IL4I1: variants seen among roughly 807,000 people sequenced by gnomAD.
IL4I1 encodes L-amino-acid oxidase.
IL4I1 carries 24 observed loss-of-function variants against 29.7 expected under a neutral mutation model. That is an observed-to-expected ratio of 0.81 (90% confidence interval 0.59 to 1.14). The LOEUF is 1.14. Ranked by LOEUF, IL4I1 falls within the 50% of genes most tolerant of loss-of-function variation. The probability of loss-of-function intolerance (pLI) is 0.00; values close to 1 mark genes in which losing one functional copy is unlikely to be tolerated. For missense variants in IL4I1, 686 were observed against 785.6 expected, an observed-to-expected ratio of 0.87 and a Z score of 1.52; for synonymous variants, 371 against 352.5, an observed-to-expected ratio of 1.05 and a Z score of -0.59.
intron 1 of IL4I1, 38 bp from the exon 2 acceptor site, chr19:49,896,220 GC>G: frequency 6.8e-7 from 1 of 1,477,574 alleles, no homozygotes; most frequent in African/African-American, 1.4e-5. Flanking sequence ...TGTGACTGAG[GC>G]CTGTGACCAC....
chr19:49,909,097 G>C (rs1264925278), intron 2 of IL4I1: 10 of 1,612,438 alleles, frequency 6.2e-6, no homozygotes, highest in Non-Finnish European at 8.5e-6. Context: ...TACAGAGGGA[G>C]AGTCCAGTGG....
At chr19:49,923,075 C>T (rs1354167065) in intron 2 of IL4I1, among the ~76,000 whole-genome samples, 5 of 151,216 alleles carry the variant, frequency 3.3e-5, no homozygotes, top group Non-Finnish European at 5.9e-5. Context: ...TGCTGTGTCC[C>T]TTTTTTTTTG....
At chr19:49,890,929 GCC>G in intron 7 of IL4I1, 40 bp downstream of exon 7, 5 of 454,446 alleles carry the variant, frequency 1.1e-5, no homozygotes, top group Non-Finnish European at 1.8e-5. Flanking sequence ...TTCCCTGATT[GCC>G]CCCCGCCCCC....
chr19:49,927,860 G>C (rs1199334348), intron 1 of IL4I1: 1 of 152,302 alleles, frequency 6.6e-6, no homozygotes, highest in Non-Finnish European at 1.5e-5. Flanking sequence ...TGGTGGAGGA[G>C]GGCCCAGTGC....
At position 49,903,879 on chromosome 19, in the gene IL4I1, AC is replaced by A. The variant is rs1479358945; in HGVS notation, c.-105+319del. Among the ~76,000 whole-genome samples the A allele has an allele frequency of 1.4e-4, 8 of 57,954 alleles. No individual in the cohort carries two copies. The East Asian group carries it at 4.4e-3, about 32-fold the overall frequency. 38.0% of individuals were successfully genotyped at this position (57,954 alleles called of 152,430 possible). A position where few individuals can be genotyped will look rare whatever the true frequency, so the allele number is the denominator to read the frequency against. Reference sequence around the variant, plus strand: ...TTTGAGACAGGGTCTCACTTTTGTTACCCAGGCTGGAGTGCAGTGGTACGAT... The same window carrying A: ...TTTGAGACAGGGTCTCACTTTTGTTACCAGGCTGGAGTGCAGTGGTACGAT... On this transcript the variant is annotated intron_variant, in intron 3 of 9. Coordinates refer to the IL4I1 transcript ENST00000341114.
At chr19:49,894,188 GAGA>G (rs2075174664) in intron 5 of IL4I1, 77 bp downstream of exon 5, 1 of 1,388,066 alleles carries the variant, frequency 7.2e-7, no homozygotes, top group Non-Finnish European at 1.0e-6. Flanking sequence ...GGATGCCAGA[GAGA>G]AGAAAAGCCG....
chr19:49,909,429 T>C lies in IL4I1; in HGVS notation c.-227-5108A>G, dbSNP rs756171210. The C allele has an allele frequency of 3.1e-6, 5 of 1,613,812 alleles. No homozygotes were observed. The African/African-American group carries it at 6.7e-5, about 22-fold the overall frequency. On this transcript the variant is annotated intron_variant, in intron 2 of 9. Transcript: ENST00000341114. ...GTGCCCTGGCTGGAGGTGACGGTGC[T>C]CGATATGGCATTAGTGAGGTTGCTG... is the stretch of plus-strand genomic sequence containing the variant.
chr19:49,924,337 C>T (rs1196932693), intron 2 of IL4I1, among the ~76,000 whole-genome samples: 1 of 152,182 alleles, frequency 6.6e-6, no homozygotes, highest in East Asian at 1.9e-4. Flanking sequence ...GGTGGCTGAT[C>T]TCCCTCCCTC....
At chr19:49,918,224 C>A (rs914171586) in intron 2 of IL4I1, among the ~76,000 whole-genome samples, 5 of 152,080 alleles carry the variant, frequency 3.3e-5, no homozygotes, top group African/African-American at 1.2e-4. Context: ...CGCCGCCATG[C>A]CCAGCTAATA....
intron 2 of IL4I1, among the ~76,000 whole-genome samples, chr19:49,918,038 CA>C (rs869301719): frequency 1.3e-5 from 2 of 148,354 alleles, no homozygotes; most frequent in Non-Finnish European, 3.0e-5. Flanking sequence ...AACAAACAAA[CA>C]AAAACCCAAA....
intron 2 of IL4I1, among the ~76,000 whole-genome samples, chr19:49,913,721 G>C (rs2075543999): frequency 6.6e-6 from 1 of 152,198 alleles, no homozygotes; most frequent in African/African-American, 2.4e-5. Flanking sequence ...CCGTGACTGT[G>C]AGTAGAAAGC....
rs1424575225 is a variant in IL4I1 at position 49,909,684 on chromosome 19, A to G, written c.-227-5363T>C. 7 of 1,612,800 alleles carry G rather than the reference A, an allele frequency of 4.3e-6. No homozygotes were observed. The highest frequency in any genetic ancestry group is 2.2e-5 in the East Asian group (1 of 44,862). ...GGTTGGAAGGGAGCCCCAAAATTAAACCCTCCAGTGCCAGAGGTGGAGAAA... is the reference window on the plus strand; with the variant it reads ...GGTTGGAAGGGAGCCCCAAAATTAAGCCCTCCAGTGCCAGAGGTGGAGAAA... On this transcript the variant is annotated intron_variant, in intron 2 of 9. Coordinates refer to the IL4I1 transcript ENST00000341114.
chr19:49,890,556 A>G lies in IL4I1; in HGVS notation c.818T>C (p.Leu273Pro), dbSNP rs2075120139. 7 of 1,595,924 alleles carry G rather than the reference A, an allele frequency of 4.4e-6. No homozygotes were observed. In the East Asian group the frequency reaches 1.6e-4, roughly 36 times the overall value. The change falls in exon 8 of 8, where the codon CTG (leucine) becomes CCG (proline). Residue 273 changes from leucine (L) to proline (P), a missense_variant. By Grantham distance (98) the Leu-to-Pro change is moderately conservative. Transcript: ENST00000391826. ...VGGWDLLPRA[L>P]LSSLSGLVLL... is the part of the protein sequence containing the mutation. ...CACAAGCCCGGACAGCGAGCTCAGC[A>G]GCGCGCGCGGCAGCAGGTCCCAGCC...
intron 2 of IL4I1, among the ~76,000 whole-genome samples, chr19:49,923,763 T>C (rs901499366): frequency 7.2e-5 from 11 of 152,214 alleles, no homozygotes; most frequent in East Asian, 3.9e-4. Flanking sequence ...AACTGAGTCA[T>C]AGAAAGAGGA....
At chr19:49,924,123 G>A (rs902476235) in intron 2 of IL4I1, among the ~76,000 whole-genome samples, 4 of 152,172 alleles carry the variant, frequency 2.6e-5, no homozygotes, top group African/African-American at 9.7e-5. Context: ...TCAGGGCTTG[G>A]AGACCTCCCA....
At chr19:49,927,253 G>A (rs1034171922) in intron 2 of IL4I1, among the ~76,000 whole-genome samples, 5 of 152,126 alleles carry the variant, frequency 3.3e-5, no homozygotes, top group Admixed American at 6.6e-5. Context: ...TAGTAAGAGG[G>A]GTGCAGTCAA....
rs2075179150 is a variant in IL4I1 at position 49,894,447 on chromosome 19, C to G, written c.388G>C (p.Gly130Arg). ...AACTTGGTCAGGTTGAGCCCCAGGC[C>G]CTGGCAGAGCTTGTGGAGGATCCTG... Reference protein sequence around the residue: ...SHRILHKLCQGLGLNLTKFTQ... With the variant: ...SHRILHKLCQRLGLNLTKFTQ... The change falls in exon 5 of 8, where the codon GGC becomes CGC. Residue 130 changes from glycine to arginine, a missense_variant. Coordinates refer to ENST00000391826, the MANE Select transcript of IL4I1 (RefSeq NM_152899.2). The G allele has an allele frequency of 6.2e-7, 1 of 1,614,116 alleles. No homozygotes were observed. The highest frequency in any genetic ancestry group is 2.2e-5 in the East Asian group (1 of 44,878).
chr19:49,891,050 C>G lies in IL4I1; in HGVS notation c.694G>C (p.Val232Leu), dbSNP rs1195531612. The G allele has an allele frequency of 2.5e-6, 4 of 1,613,326 alleles. No homozygotes were observed. In the Middle Eastern group the frequency reaches 6.6e-4, roughly 266 times the overall value. Residue 232 changes from valine (V) to leucine (L), a missense_variant, in exon 7 of 8, where the codon GTG (valine) becomes CTG (leucine). Val to Leu is a conservative substitution (Grantham distance 32). Transcript: ENST00000391826. ...TAGAAGAAGCCATCCTCGGACATCA[C>G]GTCTCCCAGAAGCTGCACGGCCGGC... is the stretch of plus-strand genomic sequence containing the variant. ...SRPAVQLLGD[V>L]MSEDGFFYLS...
intron 2 of IL4I1, chr19:49,908,854 T>C (rs754758062): frequency 6.2e-7 from 1 of 1,612,154 alleles, no homozygotes; most frequent in African/African-American, 1.3e-5. Flanking sequence ...CCCCTGCAGC[T>C]GCGCCAGGGC....
Sources: allele counts gnomAD v4.1 joint callset (sites outside exome capture counted in the v4.1 genomes callset), GRCh38; gene constraint gnomAD v4.1.1; transcripts MANE v1.5; gene names NCBI Gene and HGNC (gene_info 2026-07-23, HGNC 2026-07-21).